The following CIT variants were observed in gnomAD, a reference collection of about 807,000 sequenced individuals.
CIT encodes citron Rho-interacting kinase.
A neutral mutation model predicts 272.7 loss-of-function variants in CIT; 79 were observed. That is an observed-to-expected ratio of 0.29 (90% CI 0.24 to 0.35). CIT has a LOEUF of 0.35. Among genes scored for constraint, CIT ranks in the 10% least tolerant of loss-of-function variants. The pLI is 1.00. For missense variants in CIT, 1,909 were observed against 2,618.3 expected (o/e 0.73, Z 5.91); for synonymous variants, 948 against 995.6 (o/e 0.95, Z 0.90).
At position 119,846,969 on chromosome 12, in the gene CIT, G is replaced by T. The variant is rs976502247; in HGVS notation, c.516+3205C>A. ...ACAAACCAAAACAAACAAAAGCCCT[G>T]TTGTTTCAAGGGAACGTCTTTTTTT... On this transcript the variant is annotated intron_variant, in intron 5 of 47. Coordinates refer to ENST00000392521, the MANE Select transcript of CIT (RefSeq NM_001206999.2). 2.1e-5 allele frequency among the ~76,000 whole-genome samples: 3 copies of T among 145,012 alleles called. No homozygotes were observed. The South Asian group carries it at 6.9e-4, about 33-fold the overall frequency.
In CIT at chr12:119,770,919, C is replaced by A; in HGVS notation, c.2083-9G>T. 2 of 1,612,470 alleles carry A rather than the reference C, an allele frequency of 1.2e-6. No individual in the cohort carries two copies. The highest frequency in any genetic ancestry group is 1.7e-6 in the Non-Finnish European group (2 of 1,179,734). ...AGAGAATGGCGGCGTTCCTGTAGAT[C>A]ATGAATCAATCAGAGAGTTTTAATG... On this transcript the variant is annotated splice_polypyrimidine_tract_variant and intron_variant, in intron 17 of 47. Transcript: ENST00000392521. This position sits in a 1 kb window ranked among gnomAD's most constrained non-coding sequence, Gnocchi z 4.4.
At position 119,710,713 on chromosome 12, in the gene CIT, G is replaced by T; in HGVS notation, c.4855-93C>A. ...TCCAGAGAAACCAAGAGAAGGTTAA[G>T]GCCAAGTTATTCCTGGAAATGCTCA... On this transcript the variant is annotated intron_variant, in intron 37 of 47. Transcript: ENST00000392521. The surrounding 1 kb of genome is among the most constrained non-coding windows in gnomAD (Gnocchi z 5.6). The T allele has an allele frequency of 8.3e-7, 1 of 1,207,536 alleles. No individual in the cohort carries two copies. The highest frequency in any genetic ancestry group is 1.2e-6 in the Non-Finnish European group (1 of 817,784). 74.8% of individuals were successfully genotyped at this position (1,207,536 alleles called of 1,614,324 possible).
At chr12:119,715,130 T>C (rs1957388030) in intron 32 of CIT, among the ~76,000 whole-genome samples, 1 of 152,232 alleles carries the variant, frequency 6.6e-6, no homozygotes, top group Non-Finnish European at 1.5e-5. Flanking sequence ...GCTTGGTTCT[T>C]ATTCTCTTTT....
At chr12:119,853,246 G>A (rs1285308800) in intron 4 of CIT, among the ~76,000 whole-genome samples, 2 of 150,416 alleles carry the variant, frequency 1.3e-5, no homozygotes, top group Non-Finnish European at 2.9e-5. Flanking sequence ...CAGGAGAATT[G>A]TTTGAAGGCA....
At chr12:119,692,867 G>A (rs1306254693) in intron 46 of CIT, among the ~76,000 whole-genome samples, 2 of 152,176 alleles carry the variant, frequency 1.3e-5, no homozygotes, top group African/African-American at 4.8e-5. Flanking sequence ...CAGAACCCCT[G>A]TCTCTGCAGC....
intron 43 of CIT, 99 bp from the exon 44 acceptor site, chr12:119,700,924 C>G (rs1452408323): frequency 1.1e-6 from 1 of 947,104 alleles, no homozygotes; most frequent in Non-Finnish European, 1.7e-6. Context: ...AGCCCAGGGA[C>G]CCCTGGCCAG....
intron 13 of CIT, among the ~76,000 whole-genome samples, chr12:119,780,369 A>G (rs1389708361): frequency 6.6e-6 from 1 of 152,202 alleles, no homozygotes; most frequent in Non-Finnish European, 1.5e-5. Flanking sequence ...CTGTAATCTC[A>G]GCACTTTGGG....
At chr12:119,869,501 T>C (rs1404869226) in intron 2 of CIT, among the ~76,000 whole-genome samples, 2 of 152,218 alleles carry the variant, frequency 1.3e-5, no homozygotes, top group Admixed American at 6.5e-5. Context: ...GTGAGAATAT[T>C]TCCTCTGGAT....
At chr12:119,702,874 A>G (rs905368444) in intron 41 of CIT, among the ~76,000 whole-genome samples, 2 of 149,616 alleles carry the variant, frequency 1.3e-5, no homozygotes, top group Non-Finnish European at 2.9e-5. Context: ...GTTTGAACCT[A>G]TATTACCTAT....
chr12:119,821,842 A>T (rs968827894), intron 9 of CIT, among the ~76,000 whole-genome samples: 3 of 152,216 alleles, frequency 2.0e-5, no homozygotes, highest in African/African-American at 7.2e-5. Flanking sequence ...CCGAATAATA[A>T]AAACATTTGC....
rs371875217 is a variant in CIT at position 119,720,580 on chromosome 12, G to A, written c.3738C>T (p.Leu1246=). ...CCATTTTCACCTTTTCATGAGAATA[G>A]AGAACCTAAAATTCAAGAAAACAAA... ...LEYQLENIQV[L]YSHEKVKMEG... Residue 1246 remains leucine (L), a synonymous_variant, in exon 30 of 48, where the codon CTC becomes CTT. Transcript: ENST00000392521. 1.9e-6 allele frequency: 3 copies of A among 1,591,566 alleles called. No individual in the cohort carries two copies. The highest frequency in any genetic ancestry group is 1.7e-6 in the Non-Finnish European group (2 of 1,171,548).
chr12:119,784,839 G>A lies in CIT; in HGVS notation c.1401+121C>T, dbSNP rs926260381. 2.7e-6 allele frequency: 4 copies of A among 1,460,502 alleles called. No homozygotes were observed. Among genetic ancestry groups the A allele is most frequent in the South Asian group, 1.5e-5 (1 of 67,572 alleles). 90.5% of individuals were successfully genotyped at this position (1,460,502 alleles called of 1,614,324 possible). ...AGGCGCGACTTCAGCGAAGGCAGGA[G>A]CGCCTCACTCTCTACGGATCAGGCG... On this transcript the variant is annotated intron_variant, in intron 11 of 47. Coordinates refer to ENST00000392521, the MANE Select transcript of CIT (RefSeq NM_001206999.2). This position sits in a 1 kb window ranked among gnomAD's most constrained non-coding sequence, Gnocchi z 4.7.
chr12:119,691,998 A>G (rs1302995853), intron 46 of CIT, among the ~76,000 whole-genome samples: 1 of 152,204 alleles, frequency 6.6e-6, no homozygotes, highest in African/African-American at 2.4e-5. Context: ...TTAAATTACA[A>G]TGCAATTACA....
intron 4 of CIT, among the ~76,000 whole-genome samples, chr12:119,850,561 T>A (rs1327247835): frequency 6.6e-6 from 1 of 152,042 alleles, no homozygotes; most frequent in East Asian, 1.9e-4. Context: ...AGCCCAGAAT[T>A]GCATAAATCT....
chr12:119,784,988 A>G lies in CIT; in HGVS notation c.1373T>C (p.Leu458Pro). Reference protein sequence around the residue: ...EKKLLIKSKELQDSQDKCHKM... With the variant: ...EKKLLIKSKEPQDSQDKCHKM... Reference sequence around the variant, plus strand: ...GTGACACTTGTCCTGAGAGTCTTGTAGCTCTTTGCTTTTGATGAGAAGTTT... The same window carrying G: ...GTGACACTTGTCCTGAGAGTCTTGTGGCTCTTTGCTTTTGATGAGAAGTTT... Residue 458 changes from leucine to proline, a missense_variant, in exon 11 of 48, where the codon CTA (leucine) becomes CCA (proline). By Grantham distance (98) the Leu-to-Pro change is moderately conservative. This residue lies in a region of CIT where 26 missense variants were observed against 44.1 expected (regional missense o/e 0.59). Coordinates refer to ENST00000392521, the MANE Select transcript of CIT (RefSeq NM_001206999.2). This position sits in a 1 kb window ranked among gnomAD's most constrained non-coding sequence, Gnocchi z 4.7. 1 of 1,614,210 alleles carries G rather than the reference A, an allele frequency of 6.2e-7. No homozygotes were observed. Among genetic ancestry groups the G allele is most frequent in the Non-Finnish European group, 8.5e-7 (1 of 1,180,040 alleles).
intron 5 of CIT, among the ~76,000 whole-genome samples, chr12:119,840,541 C>T (rs910015982): frequency 6.6e-6 from 1 of 152,052 alleles, no homozygotes; most frequent in South Asian, 2.1e-4. Flanking sequence ...CCAAAGGCAA[C>T]AATACACTCA....
In CIT at chr12:119,772,920, G is replaced by A. The variant is rs145415520; in HGVS notation, c.1942-10C>T. On this transcript the variant is annotated splice_polypyrimidine_tract_variant and intron_variant, in intron 16 of 47. Transcript: ENST00000392521. ...TGCTGGCTTTTACAGCCTAGGAAGA[G>A]AGAAGGAAAAGGAGATAGGTGGGCA... is the stretch of plus-strand genomic sequence containing the variant. The A allele has an allele frequency of 5.6e-6, 9 of 1,607,724 alleles. No homozygotes were observed. The African/African-American group carries it at 9.4e-5, about 17-fold the overall frequency.
In CIT at chr12:119,770,952, C is replaced by T. The variant is rs763031554; in HGVS notation, c.2083-42G>A. The T allele has an allele frequency of 3.8e-5, 61 of 1,609,014 alleles. No homozygotes were observed. The highest frequency in any genetic ancestry group is 4.7e-5 in the Non-Finnish European group (55 of 1,178,056). Reference sequence around the variant, plus strand: ...AATCAGAGAGTTTTAATGGAGTAACCGCTATGGGCATAACACCTGCACCGA... The same window carrying T: ...AATCAGAGAGTTTTAATGGAGTAACTGCTATGGGCATAACACCTGCACCGA... On this transcript the variant is annotated intron_variant, in intron 17 of 47. Transcript: ENST00000392521. This position sits in a 1 kb window ranked among gnomAD's most constrained non-coding sequence, Gnocchi z 4.4.
At chr12:119,860,870 C>T (rs1288920277) in intron 3 of CIT, among the ~76,000 whole-genome samples, 1 of 151,854 alleles carries the variant, frequency 6.6e-6, no homozygotes, top group African/African-American at 2.4e-5. Flanking sequence ...CCTGTAATCC[C>T]AGCACTTTGG....
Sources: gnomAD v4.1 joint callset for allele counts (sites outside exome capture counted in the v4.1 genomes callset) on GRCh38, gnomAD v4.1.1 for gene constraint, gnomAD v4.1.1 regional missense constraint, Gnocchi (gnomAD v3.1) non-coding constraint, MANE v1.5 for transcripts, NCBI Gene and HGNC (gene_info 2026-07-23, HGNC 2026-07-21) for gene names.